Variants in NFKB1 observed in about 807,000 individuals in gnomAD.
The protein encoded by NFKB1 is nuclear factor NF-kappa-B p105 subunit.
Under a neutral mutation model 105.1 loss-of-function variants are expected in NFKB1, and 9 were observed. The observed-to-expected ratio is 0.09, with a 90% CI of 0.05 to 0.15. The LOEUF (loss-of-function observed/expected upper bound fraction) is 0.15, where lower values mean the gene tolerates loss of function less well. Among genes scored for constraint, NFKB1 ranks in the 10% least tolerant of loss-of-function variants. The pLI, the probability that NFKB1 is intolerant of heterozygous loss-of-function variation, is 1.00. For missense variants in NFKB1, 830 were observed against 1,203.7 expected (o/e 0.69, Z 4.59); for synonymous variants, 440 against 442.2 (o/e 1.00, Z 0.06).
intron 1 of NFKB1, 139 bp from the exon 2 acceptor site, chr4:102,525,373 C>A: frequency 1.5e-6 from 1 of 688,356 alleles, no homozygotes; most frequent in Non-Finnish European, 2.4e-6. Flanking sequence ...TCATGTCCTC[C>A]TCCTATGGTC....
intron 1 of NFKB1, among the ~76,000 whole-genome samples, chr4:102,506,940 C>T (rs1389674680): frequency 6.7e-6 from 1 of 148,654 alleles, no homozygotes; most frequent in African/African-American, 2.5e-5. Flanking sequence ...ACAGATATGG[C>T]AACAACAAAA....
In NFKB1 at chr4:102,601,003, G is replaced by T. The variant is rs1046304590; in HGVS notation, c.1746G>T (p.Leu582=). Reference sequence around the variant, plus strand: ...ACATTATCAACATGAGAAATGATCTGTACCAGGTAAGCAGAAATCTCAAGA... The same window carrying T: ...ACATTATCAACATGAGAAATGATCTTTACCAGGTAAGCAGAAATCTCAAGA... ...SDDIINMRND[L]YQTPLHLAVI... The change falls in exon 16 of 24, where the codon CTG becomes CTT. Residue 582 remains leucine (L), a synonymous_variant. Coordinates refer to ENST00000226574, the MANE Select transcript of NFKB1 (RefSeq NM_003998.4). 1.9e-6 allele frequency: 3 copies of T among 1,563,882 alleles called. No individual in the cohort carries two copies. The highest frequency in any genetic ancestry group is 2.6e-6 in the Non-Finnish European group (3 of 1,142,492).
intron 14 of NFKB1, 30 bp downstream of exon 14, chr4:102,596,362 G>C: frequency 6.4e-7 from 1 of 1,562,188 alleles, no homozygotes. Flanking sequence ...ACGTTCTGTT[G>C]GTTGGCTGGG....
At chr4:102,536,465 C>A (rs1313212057) in intron 4 of NFKB1, among the ~76,000 whole-genome samples, 3 of 152,136 alleles carry the variant, frequency 2.0e-5, no homozygotes, top group Admixed American at 6.5e-5. Context: ...GAGGACTGAT[C>A]TTTGGAAATC....
In NFKB1 at chr4:102,612,525, G is replaced by A. The variant is rs568273802; in HGVS notation, c.2511G>A (p.Ala837=). Residue 837 remains alanine (A), a synonymous_variant, in exon 22 of 24, where the codon GCG becomes GCA. Transcript: ENST00000226574. ...CAGACAAAAACTGGGCTACTCTGGCGCAGAAATTAGGTCTGGGGATACTTA... is the reference window on the plus strand; with the variant it reads ...CAGACAAAAACTGGGCTACTCTGGCACAGAAATTAGGTCTGGGGATACTTA... ...PDPDKNWATL[A]QKLGLGILNN... is the part of the protein sequence containing the mutation. 88 of 1,614,036 alleles carry A rather than the reference G, an allele frequency of 5.5e-5. No homozygotes were observed. Among genetic ancestry groups the A allele is most frequent in the African/African-American group, 8.0e-5 (6 of 75,040 alleles).
intron 19 of NFKB1, among the ~76,000 whole-genome samples, chr4:102,608,028 G>A (rs1049808210): frequency 1.2e-4 from 18 of 152,204 alleles, no homozygotes; most frequent in African/African-American, 4.3e-4. Flanking sequence ...ATGACAAAGG[G>A]TCTTTTCAAA....
chr4:102,563,867 C>G (rs1294690478), intron 5 of NFKB1, among the ~76,000 whole-genome samples: 1 of 145,198 alleles, frequency 6.9e-6, no homozygotes, highest in Non-Finnish European at 1.5e-5. Flanking sequence ...GTCACCCAGG[C>G]TGGAGGGGCA....
intron 5 of NFKB1, among the ~76,000 whole-genome samples, chr4:102,556,098 A>G (rs1166961305): frequency 6.6e-6 from 1 of 152,226 alleles, no homozygotes; most frequent in Non-Finnish European, 1.5e-5. Flanking sequence ...ATAAAAGACA[A>G]GAGACAGAGA....
chr4:102,518,232 G>C (rs1345331869), intron 1 of NFKB1, among the ~76,000 whole-genome samples: 3 of 152,140 alleles, frequency 2.0e-5, no homozygotes, highest in Non-Finnish European at 4.4e-5. Flanking sequence ...GAGGTGAAGG[G>C]ATTTAAAACA....
intron 23 of NFKB1, among the ~76,000 whole-genome samples, chr4:102,614,735 TCTCCATTC>T (rs934503409): frequency 6.6e-6 from 1 of 151,878 alleles, no homozygotes; most frequent in African/African-American, 2.4e-5. Context: ...CTTCAGACCG[TCTCCATTC>T]CTGGCTCCTC....
chr4:102,603,409 C>T (rs982714976), intron 16 of NFKB1, among the ~76,000 whole-genome samples: 1 of 151,806 alleles, frequency 6.6e-6, no homozygotes, highest in Non-Finnish European at 1.5e-5. Flanking sequence ...AAACTCTTTA[C>T]TGTATCATTT....
intron 1 of NFKB1, among the ~76,000 whole-genome samples, chr4:102,515,390 G>A (rs1257983369): frequency 2.0e-5 from 3 of 152,002 alleles, no homozygotes; most frequent in South Asian, 4.1e-4. Context: ...GATTACAGGC[G>A]TGAGCCACCG....
chr4:102,561,296 T>TGCGC (rs751470143), intron 5 of NFKB1, among the ~76,000 whole-genome samples: 3 of 133,442 alleles, frequency 2.2e-5, no homozygotes, highest in Admixed American at 7.5e-5. Flanking sequence ...TGTGTGTGTG[T>TGCGC]GCCTGATAAT....
At chr4:102,608,837 T>C (rs1728086637) in intron 19 of NFKB1, among the ~76,000 whole-genome samples, 1 of 149,608 alleles carries the variant, frequency 6.7e-6, no homozygotes, top group African/African-American at 2.6e-5. Flanking sequence ...AAGACACTGA[T>C]TAATTAAATG....
chr4:102,572,952 G>A (rs1245693784), intron 6 of NFKB1, among the ~76,000 whole-genome samples: 1 of 152,136 alleles, frequency 6.6e-6, no homozygotes. Context: ...TTCAGTAGGT[G>A]TATGTTTTCA....
At chr4:102,566,762 G>GCCACTTCTTGTGT (rs1723908486) in intron 5 of NFKB1, among the ~76,000 whole-genome samples, 1 of 152,096 alleles carries the variant, frequency 6.6e-6, no homozygotes, top group African/African-American at 2.4e-5. Flanking sequence ...CTGCTTCTTG[G>GCCACTTCTTGTGT]AGTGTATCTT....
chr4:102,545,683 T>G (rs1722081321), intron 5 of NFKB1, among the ~76,000 whole-genome samples: 1 of 152,120 alleles, frequency 6.6e-6, no homozygotes, highest in African/African-American at 2.4e-5. Flanking sequence ...TGGGTGGGCT[T>G]CAGAATCGTC....
Position 102,515,213 on chromosome 4 carries a change from C to T in NFKB1, c.-7-10299C>T, listed in dbSNP as rs553628790. On this transcript the variant is annotated intron_variant, in intron 1 of 23. Coordinates refer to ENST00000226574, the MANE Select transcript of NFKB1 (RefSeq NM_003998.4). ...GCAAGCTCCGCCTCCCGGGTTCACG[C>T]CATTCTCCTGCCTCAGCCTCCCAAG... Among the ~76,000 whole-genome samples, 1,099 of 145,338 alleles carry T rather than the reference C, an allele frequency of 7.6e-3. 6 individuals carry two copies. The highest frequency in any genetic ancestry group is 0.011 in the Non-Finnish European group (734 of 65,988).
chr4:102,516,480 T>TA (rs1176171261), intron 1 of NFKB1, among the ~76,000 whole-genome samples: 41 of 152,328 alleles, frequency 2.7e-4, no homozygotes, highest in African/African-American at 9.4e-4. Flanking sequence ...GGGTAGTTTT[T>TA]ATTGACCTTT....
Sources: allele counts gnomAD v4.1 joint callset (sites outside exome capture counted in the v4.1 genomes callset), GRCh38; gene constraint gnomAD v4.1.1; transcripts MANE v1.5; gene names NCBI Gene and HGNC (gene_info 2026-07-23, HGNC 2026-07-21).